The following GNA12 variants were observed in gnomAD, a reference collection of about 807,000 sequenced individuals.
GNA12 encodes the protein G protein subunit alpha 12, also known as guanine nucleotide-binding protein subunit alpha-12.
Under a neutral mutation model 26.0 loss-of-function variants are expected in GNA12, and 9 were observed. The ratio of observed to expected loss-of-function variants is 0.35; its 90% confidence interval spans 0.21 to 0.60. GNA12 has a LOEUF of 0.60. Ranked by LOEUF, GNA12 falls within the 20% of genes least tolerant of loss-of-function variation. The pLI is 0.78. For missense variants in GNA12, 405 were observed against 525.8 expected (o/e 0.77, Z 2.25); for synonymous variants, 264 against 219.6 (o/e 1.20, Z -1.79).
chr7:2,827,307 A>G (rs1357570550), intron 1 of GNA12, among the ~76,000 whole-genome samples: 1 of 152,236 alleles, frequency 6.6e-6, no homozygotes, highest in Non-Finnish European at 1.5e-5. Context: ...GGAATTTGAT[A>G]GAGGTGGTGG....
intron 1 of GNA12, among the ~76,000 whole-genome samples, chr7:2,822,207 G>C (rs77835433): frequency 6.6e-6 from 1 of 152,162 alleles, no homozygotes; most frequent in African/African-American, 2.4e-5. Flanking sequence ...TGCCTCCTCC[G>C]AGATGTTGTT....
At chr7:2,835,410 G>A (rs1289780139) in intron 1 of GNA12, among the ~76,000 whole-genome samples, 2 of 152,156 alleles carry the variant, frequency 1.3e-5, no homozygotes, top group Non-Finnish European at 1.5e-5. Context: ...TGGCCCACGG[G>A]GGTTGCCGGT....
chr7:2,736,506 G>A (rs1790184374), intron 2 of GNA12, among the ~76,000 whole-genome samples: 1 of 152,194 alleles, frequency 6.6e-6, no homozygotes, highest in African/African-American at 2.4e-5. Flanking sequence ...GGATGAACCT[G>A]AGCAGGGGCT....
intron 2 of GNA12, among the ~76,000 whole-genome samples, chr7:2,788,972 C>G (rs1365332740): frequency 4.0e-5 from 6 of 151,248 alleles, no homozygotes; most frequent in East Asian, 3.9e-4. Flanking sequence ...GGCGCCCCAC[C>G]ACCATGCATG....
chr7:2,789,824 A>G (rs1383215993), intron 2 of GNA12, among the ~76,000 whole-genome samples: 6 of 152,182 alleles, frequency 3.9e-5, no homozygotes, highest in Non-Finnish European at 4.4e-5. Context: ...TTTTGCAGCC[A>G]CAGAGGAAGC....
intron 1 of GNA12, chr7:2,835,780 C>G (rs187092200): frequency 9.7e-6 from 7 of 721,062 alleles, no homozygotes; most frequent in Non-Finnish European, 1.8e-5. Flanking sequence ...AGAAGATGCT[C>G]GTGACGGTAC....
chr7:2,794,730 C>G, intron 2 of GNA12, 198 bp downstream of exon 2: 3 of 596,106 alleles, frequency 5.0e-6, no homozygotes, highest in Non-Finnish European at 8.9e-6. Flanking sequence ...CTGAGTGGCT[C>G]TTGCTCCTTC....
At chr7:2,791,266 C>G (rs912313688) in intron 2 of GNA12, among the ~76,000 whole-genome samples, 1 of 152,180 alleles carries the variant, frequency 6.6e-6, no homozygotes, top group Non-Finnish European at 1.5e-5. Context: ...GATCATCTTC[C>G]TTTTAACTGA....
At chr7:2,752,635 GTA>G (rs1791094622) in intron 2 of GNA12, among the ~76,000 whole-genome samples, 1 of 152,134 alleles carries the variant, frequency 6.6e-6, no homozygotes, top group Admixed American at 6.6e-5. Context: ...CAAAAATCAA[GTA>G]TATGTTTTAC....
chr7:2,741,971 G>A (rs1456980304), intron 2 of GNA12, among the ~76,000 whole-genome samples: 1 of 151,828 alleles, frequency 6.6e-6, no homozygotes, highest in Non-Finnish European at 1.5e-5. Flanking sequence ...TTACTTACAT[G>A]TAGTTATCAT....
intron 1 of GNA12, among the ~76,000 whole-genome samples, chr7:2,820,213 G>A (rs2533879): frequency 0.24 from 36,073 of 152,006 alleles, 5,057 homozygotes; most frequent in Non-Finnish European, 0.3. Flanking sequence ...GCTGGTGGCC[G>A]CCCGGGGCTG....
intron 1 of GNA12, among the ~76,000 whole-genome samples, chr7:2,807,657 T>C (rs146804665): frequency 1.3e-4 from 20 of 150,808 alleles, no homozygotes; most frequent in Middle Eastern, 3.5e-3. Flanking sequence ...TCTAAGACTA[T>C]CTGGAGGAAA....
chr7:2,830,858 T>C (rs1793589724), intron 1 of GNA12, among the ~76,000 whole-genome samples: 1 of 152,086 alleles, frequency 6.6e-6, no homozygotes, highest in Non-Finnish European at 1.5e-5. Flanking sequence ...GGAAGATCAC[T>C]TGAGCCCAGG....
At chr7:2,833,414 G>A (rs1467578640) in intron 1 of GNA12, among the ~76,000 whole-genome samples, 4 of 152,122 alleles carry the variant, frequency 2.6e-5, no homozygotes, top group Non-Finnish European at 5.9e-5. Context: ...AGCTGTCAAC[G>A]GAACACTATC....
chr7:2,816,616 G>T (rs913198477), intron 1 of GNA12, among the ~76,000 whole-genome samples: 8 of 152,032 alleles, frequency 5.3e-5, no homozygotes, highest in Non-Finnish European at 1.0e-4. Context: ...TATTGATTAT[G>T]GACTCAAAAC....
At position 2,844,002 on chromosome 7, in the gene GNA12, C is replaced by T; in HGVS notation, c.160G>A (p.Val54Ile). Residue 54 changes from valine (V) to isoleucine (I), a missense_variant, in exon 1 of 4, where the codon GTC becomes ATC. Val to Ile is a conservative substitution (Grantham distance 29). Coordinates refer to ENST00000275364, the MANE Select transcript of GNA12 (RefSeq NM_007353.3). ...AGCAGGATCTTCACCAGGCGCCGGA[C>T]CGCGCGCCGCTCGCGGGCCAGCAGC... The part of the protein sequence containing the change: ...DALLARERRA[V>I]RRLVKILLLG... 1.3e-6 allele frequency: 2 copies of T among 1,542,554 alleles called. No individual in the cohort carries two copies. The highest frequency in any genetic ancestry group is 1.7e-6 in the Non-Finnish European group (2 of 1,145,638).
At chr7:2,798,851 G>A (rs2527687) in intron 1 of GNA12, among the ~76,000 whole-genome samples, 55,871 of 151,728 alleles carry the variant, frequency 0.37, 10,918 homozygotes, top group Admixed American at 0.45. Context: ...CCCTGATACA[G>A]CTAGGTAATT....
chr7:2,767,504 C>G (rs1039928603), intron 2 of GNA12, among the ~76,000 whole-genome samples: 2 of 152,202 alleles, frequency 1.3e-5, no homozygotes, highest in Non-Finnish European at 2.9e-5. Context: ...CTTTCGATAG[C>G]CACCTGGGGG....
chr7:2,769,802 C>A (rs1236805075), intron 2 of GNA12, among the ~76,000 whole-genome samples: 3 of 152,046 alleles, frequency 2.0e-5, no homozygotes, highest in African/African-American at 7.2e-5. Context: ...AAGGTTGTAC[C>A]AATTTATATC....
Sources: allele counts gnomAD v4.1 joint callset (sites outside exome capture counted in the v4.1 genomes callset), GRCh38; gene constraint gnomAD v4.1.1; transcripts MANE v1.5; gene names NCBI Gene and HGNC (gene_info 2026-07-23, HGNC 2026-07-21).